FAM227A: variants seen among roughly 807,000 people sequenced by gnomAD.
The protein encoded by FAM227A is family with sequence similarity 227 member A.
In FAM227A, 80 loss-of-function variants were observed where a neutral mutation model predicts 74.7. The observed-to-expected ratio is 1.07, with a 90% CI of 0.89 to 1.29. FAM227A has a LOEUF of 1.29. Ranked by LOEUF, FAM227A falls within the 50% of genes most tolerant of loss-of-function variation. The pLI is 0.00. For synonymous variants in FAM227A, 237 were observed against 241.8 expected, an observed-to-expected ratio of 0.98 and a Z score of 0.19; for missense variants, 654 against 683.4, an observed-to-expected ratio of 0.96 and a Z score of 0.48.
At chr22:38,586,525 C>T (rs1050857089) in intron 16 of FAM227A, among the ~76,000 whole-genome samples, 1 of 152,186 alleles carries the variant, frequency 6.6e-6, no homozygotes, top group Non-Finnish European at 1.5e-5. Flanking sequence ...CGCTGAAAAC[C>T]TGGATTGTGT....
intron 3 of FAM227A, among the ~76,000 whole-genome samples, chr22:38,640,477 T>G (rs2092091469): frequency 6.6e-6 from 1 of 152,206 alleles, no homozygotes; most frequent in South Asian, 2.1e-4. Context: ...TCTTGATCTC[T>G]GACTCTTCCC....
intron 3 of FAM227A, among the ~76,000 whole-genome samples, chr22:38,640,890 G>A (rs745448557): frequency 2.1e-4 from 32 of 152,146 alleles, no homozygotes; most frequent in Non-Finnish European, 4.3e-4. Flanking sequence ...TACTGGGCAT[G>A]TGTGCAGGGG....
intron 6 of FAM227A, among the ~76,000 whole-genome samples, chr22:38,635,228 C>CAAAA (rs34498896): frequency 5.9e-5 from 4 of 67,424 alleles, no homozygotes; most frequent in Non-Finnish European, 1.2e-4. Flanking sequence ...GACTCTGTCT[C>CAAAA]AAAAAAAAAA....
chr22:38,639,790 G>C (rs1700937143), intron 3 of FAM227A, 66 bp from the exon 4 acceptor site: 1 of 1,111,776 alleles, frequency 9.0e-7, no homozygotes, highest in African/African-American at 1.6e-5. Flanking sequence ...GGTGGGGTTA[G>C]GGTCTAGGCG....
rs1223431584 is a variant in FAM227A, at chr22:38,623,258, C to T, written c.872G>A (p.Ser291Asn). The T allele has an allele frequency of 2.6e-6, 4 of 1,551,350 alleles. No homozygotes were observed. The highest frequency in any genetic ancestry group is 3.5e-6 in the Non-Finnish European group (4 of 1,146,842). The change falls in exon 10 of 17, where the codon AGC (serine) becomes AAC (asparagine). Residue 291 changes from serine (S) to asparagine (N), a missense_variant. Coordinates refer to ENST00000535113, the MANE Select transcript of FAM227A (RefSeq NM_001013647.2). Reference sequence around the variant, plus strand: ...TTCCGAGTAGTCCCAGCTGTCATAGCTCTGTGGGCTAGGATAGGTGCCTAA... The same window carrying T: ...TTCCGAGTAGTCCCAGCTGTCATAGTTCTGTGGGCTAGGATAGGTGCCTAA... ...WISGTYPSPQ[S>N]YDSWDYSELD...
chr22:38,583,167 TA>T lies in FAM227A; in HGVS notation c.*2957del. ...CTCACACGTTCTGGTTTCAGAAGAC[TA>T]TACTTTTTTTTTTTTTTTTTTGAGA... On this transcript the variant is annotated 3_prime_UTR_variant, in exon 17 of 17. Transcript: ENST00000535113. The T allele has an allele frequency of 2.3e-6, 1 of 441,670 alleles. No homozygotes were observed. The highest frequency in any genetic ancestry group is 3.9e-5 in the East Asian group (1 of 25,410). 27.4% of individuals were successfully genotyped at this position (441,670 alleles called of 1,614,324 possible).
chr22:38,612,342 C>G (rs2091429856), intron 11 of FAM227A, among the ~76,000 whole-genome samples: 1 of 152,160 alleles, frequency 6.6e-6, no homozygotes, highest in Non-Finnish European at 1.5e-5. Flanking sequence ...GCTTGTGCTT[C>G]TCTTCTCACT....
chr22:38,610,638 G>C (rs749593066), intron 11 of FAM227A, among the ~76,000 whole-genome samples: 6 of 152,312 alleles, frequency 3.9e-5, no homozygotes, highest in Non-Finnish European at 8.8e-5. Context: ...GAACATGGGA[G>C]GTGGAGGTTG....
At position 38,578,392 on chromosome 22, in the gene FAM227A, T is replaced by C. The variant is rs1269631420; in HGVS notation, c.*7733A>G. On this transcript the variant is annotated 3_prime_UTR_variant, in exon 17 of 17. Transcript: ENST00000535113. ...GACTGTGTGTATGTATACACACACA[T>C]ACATGTATATTTAATAGTCATTTTG... 4 of 152,192 alleles carry C rather than the reference T, an allele frequency of 2.6e-5. No homozygotes were observed. Among genetic ancestry groups the C allele is most frequent in the Non-Finnish European group, 2.9e-5 (2 of 68,040 alleles). 9.4% of individuals were successfully genotyped at this position (152,192 alleles called of 1,614,324 possible).
intron 1 of FAM227A, among the ~76,000 whole-genome samples, chr22:38,653,494 G>A (rs993526483): frequency 3.3e-5 from 5 of 150,994 alleles, no homozygotes; most frequent in East Asian, 1.9e-4. Flanking sequence ...CTCCTGCCTC[G>A]GCCTCTCAAG....
In FAM227A at chr22:38,623,250, T is replaced by G; in HGVS notation, c.880A>C (p.Ser294Arg). Residue 294 changes from serine to arginine, a missense_variant, in exon 10 of 17, where the codon AGC becomes CGC. Ser to Arg is a moderately radical substitution (Grantham distance 110). Coordinates refer to ENST00000535113, the MANE Select transcript of FAM227A (RefSeq NM_001013647.2). Reference protein sequence around the residue: ...GTYPSPQSYDSWDYSELDPER... With the variant: ...GTYPSPQSYDRWDYSELDPER... ...GGGTCTAGTTCCGAGTAGTCCCAGC[T>G]GTCATAGCTCTGTGGGCTAGGATAG... 1 of 1,551,598 alleles carries G rather than the reference T, an allele frequency of 6.4e-7. No individual in the cohort carries two copies. Among genetic ancestry groups the G allele is most frequent in the South Asian group, 1.2e-5 (1 of 84,056 alleles).
chr22:38,647,420 C>A (rs967886865), intron 2 of FAM227A, among the ~76,000 whole-genome samples: 1 of 151,402 alleles, frequency 6.6e-6, no homozygotes, highest in Admixed American at 6.6e-5. Context: ...GCTGAGATTG[C>A]GCCACTGCAC....
intron 6 of FAM227A, among the ~76,000 whole-genome samples, chr22:38,634,253 G>A (rs2091963927): frequency 6.9e-6 from 1 of 144,922 alleles, no homozygotes; most frequent in African/African-American, 2.5e-5. Context: ...AGATTGAATT[G>A]TAGAGAGTTT....
In FAM227A at chr22:38,598,463, T is replaced by C. The variant is rs547076984; in HGVS notation, c.1380-1107A>G. ...TCCTTCCACTACACTAAACTGTCTT[T>C]AGAGAACAATGAAGTGATGTTTGGG... On this transcript the variant is annotated intron_variant, in intron 14 of 16. Coordinates refer to ENST00000535113, the MANE Select transcript of FAM227A (RefSeq NM_001013647.2). Among the ~76,000 whole-genome samples the C allele has an allele frequency of 6.6e-5, 10 of 152,212 alleles. No homozygotes were observed. In the South Asian group the frequency reaches 1.9e-3, roughly 28 times the overall value.
intron 6 of FAM227A, among the ~76,000 whole-genome samples, chr22:38,634,509 T>A (rs572741667): frequency 1.3e-5 from 2 of 152,326 alleles, no homozygotes; most frequent in South Asian, 4.1e-4. Flanking sequence ...ACATGCATTA[T>A]CTTATTTATT....
chr22:38,590,845 C>T (rs1372879508), intron 16 of FAM227A, among the ~76,000 whole-genome samples: 2 of 151,906 alleles, frequency 1.3e-5, no homozygotes, highest in South Asian at 2.1e-4. Flanking sequence ...AGTGTAGTGG[C>T]GTGATCTCGG....
Position 38,579,585 on chromosome 22 carries a change from A to G in FAM227A, c.*6540T>C, listed in dbSNP as rs2090688548. On this transcript the variant is annotated 3_prime_UTR_variant, in exon 17 of 17. Coordinates refer to ENST00000535113, the MANE Select transcript of FAM227A (RefSeq NM_001013647.2). ...AAATTATGGCTAAAATCAAATATGC[A>G]CAAAAGTAAAACAGTATAATATTCC... 1 of 152,198 alleles carries G rather than the reference A, an allele frequency of 6.6e-6. No homozygotes were observed. The highest frequency in any genetic ancestry group is 1.5e-5 in the Non-Finnish European group (1 of 68,024). 9.4% of individuals were successfully genotyped at this position (152,198 alleles called of 1,614,324 possible).
chr22:38,611,996 G>T (rs182568998), intron 11 of FAM227A, among the ~76,000 whole-genome samples: 1 of 152,028 alleles, frequency 6.6e-6, no homozygotes, highest in Admixed American at 6.6e-5. Flanking sequence ...CTTCAACTCC[G>T]TCCTTTCTTC....
intron 11 of FAM227A, among the ~76,000 whole-genome samples, chr22:38,613,116 T>TTATATATAATTATATA (rs1569206728): frequency 3.3e-5 from 3 of 91,130 alleles, no homozygotes; most frequent in African/African-American, 1.4e-4. Context: ...TATATATATA[T>TTATATATAATTATATA]TATATATAAT....
Sources: gnomAD v4.1 joint callset for allele counts (sites outside exome capture counted in the v4.1 genomes callset) on GRCh38, gnomAD v4.1.1 for gene constraint, MANE v1.5 for transcripts, NCBI Gene and HGNC (gene_info 2026-07-23, HGNC 2026-07-21) for gene names.